Variants in ITGB6 observed in about 807,000 individuals in gnomAD.
ITGB6 encodes integrin beta-6.
In ITGB6, 80 loss-of-function variants were observed where a neutral mutation model predicts 84.5. The observed-to-expected ratio is 0.95, with a 90% CI of 0.79 to 1.14. The LOEUF (loss-of-function observed/expected upper bound fraction) is 1.14. ITGB6 is among the 50% of genes most tolerant of loss of function. The pLI is 0.00. For synonymous variants in ITGB6, 383 were observed against 354.9 expected (o/e 1.08, Z -0.89); for missense variants, 1,006 against 968.0 (o/e 1.04, Z -0.52).
At chr2:160,118,021 A>G (rs1682862170) in intron 12 of ITGB6, among the ~76,000 whole-genome samples, 1 of 152,226 alleles carries the variant, frequency 6.6e-6, no homozygotes. Context: ...GGCAATAATC[A>G]ATAGCTTACC....
rs746022026 is a variant in ITGB6, at chr2:160,200,065, C to T, written c.-2G>A. The T allele has an allele frequency of 5.1e-5, 83 of 1,613,498 alleles. No individual in the cohort carries two copies. The highest frequency in any genetic ancestry group is 5.6e-5 in the Non-Finnish European group (66 of 1,179,610). Reference sequence around the variant, plus strand: ...CAGGCAAAGCAGTTCAATCCCCATTCGTTTCAGTTCTTGCTGTGCAGACCG... The same window carrying T: ...CAGGCAAAGCAGTTCAATCCCCATTTGTTTCAGTTCTTGCTGTGCAGACCG... On this transcript the variant is annotated 5_prime_UTR_variant, in exon 1 of 15. Transcript: ENST00000283249.
At chr2:160,148,450 CTT>C (rs1684280003) in intron 7 of ITGB6, among the ~76,000 whole-genome samples, 2 of 152,218 alleles carry the variant, frequency 1.3e-5, no homozygotes, top group Non-Finnish European at 2.9e-5. Flanking sequence ...TGATCAAACT[CTT>C]TGGAATTTAC....
At chr2:160,136,992 G>A (rs924230941) in intron 10 of ITGB6, among the ~76,000 whole-genome samples, 17 of 150,618 alleles carry the variant, frequency 1.1e-4, no homozygotes, top group African/African-American at 2.2e-4. Flanking sequence ...CATGGCACAT[G>A]TATATATACG....
chr2:160,182,876 C>T (rs191021610), intron 4 of ITGB6, among the ~76,000 whole-genome samples: 1 of 152,300 alleles, frequency 6.6e-6, no homozygotes, highest in East Asian at 1.9e-4. Context: ...CCCAGAATTT[C>T]ATATCTCGCC....
Position 160,112,095 on chromosome 2 carries a change from T to C in ITGB6, c.2086A>G (p.Ser696Gly). The stretch of plus-strand genomic sequence containing the variant: ...AAACACCCACCTTTTTCATTGATGC[T>C]GTGAATGATGGTTTTCCCCTCATTA... Reference protein sequence around the residue: ...TDNEGKTIIHSINEKDCPKPP... With the variant: ...TDNEGKTIIHGINEKDCPKPP... Residue 696 changes from serine (S) to glycine (G), a missense_variant, in exon 13 of 15, where the codon AGC becomes GGC. Coordinates refer to ENST00000283249, the MANE Select transcript of ITGB6 (RefSeq NM_000888.5). 3 of 1,613,228 alleles carry C rather than the reference T, an allele frequency of 1.9e-6. No homozygotes were observed. The highest frequency in any genetic ancestry group is 1.7e-6 in the Non-Finnish European group (2 of 1,179,694).
chr2:160,164,257 C>T (rs373157787), intron 7 of ITGB6, among the ~76,000 whole-genome samples: 5 of 152,202 alleles, frequency 3.3e-5, no homozygotes, highest in Admixed American at 3.3e-4. Context: ...GCATAGTTCA[C>T]AGGAGGTACT....
intron 10 of ITGB6, among the ~76,000 whole-genome samples, chr2:160,134,411 T>G (rs1219602427): frequency 1.3e-5 from 2 of 152,084 alleles, no homozygotes; most frequent in Non-Finnish European, 2.9e-5. Flanking sequence ...AGGCAATAAT[T>G]AATAGCTTAC....
At chr2:160,190,784 A>G (rs1686112473) in intron 4 of ITGB6, among the ~76,000 whole-genome samples, 1 of 152,198 alleles carries the variant, frequency 6.6e-6, no homozygotes, top group African/African-American at 2.4e-5. Flanking sequence ...CTGGGATACT[A>G]GTTTAGCTGA....
chr2:160,171,977 T>C (rs1034561023), intron 6 of ITGB6, among the ~76,000 whole-genome samples: 1 of 152,198 alleles, frequency 6.6e-6, no homozygotes, highest in Non-Finnish European at 1.5e-5. Context: ...TCATGGTCTG[T>C]TCAGGAAAAG....
intron 4 of ITGB6, among the ~76,000 whole-genome samples, chr2:160,177,077 A>G (rs1685446047): frequency 6.6e-6 from 1 of 152,166 alleles, no homozygotes; most frequent in Non-Finnish European, 1.5e-5. Flanking sequence ...GTATTAGTGT[A>G]TGGCATGGCA....
Position 160,171,329 on chromosome 2 carries a change from A to T in ITGB6, c.921+1240T>A, listed in dbSNP as rs1334142013. ...GACTGCTGCTTCAGAAATCAAATTT[A>T]TTTTTTTATTTTTTTTTTTTTTGGA... On this transcript the variant is annotated intron_variant, in intron 6 of 14. Transcript: ENST00000283249. Among the ~76,000 whole-genome samples, 550 of 123,742 alleles carry T rather than the reference A, an allele frequency of 4.4e-3. 42 individuals are homozygous for T. The highest frequency in any genetic ancestry group is 5.5e-3 in the Non-Finnish European group (322 of 58,322). 81.2% of individuals were successfully genotyped at this position (123,742 alleles called of 152,430 possible).
chr2:160,120,052 C>A (rs35528471), intron 12 of ITGB6, among the ~76,000 whole-genome samples: 98,245 of 148,460 alleles, frequency 0.66, 32,798 homozygotes, highest in Admixed American at 0.73. Context: ...AATAGGAACA[C>A]TTTTACACTG....
intron 4 of ITGB6, among the ~76,000 whole-genome samples, 154 bp from the exon 5 acceptor site, chr2:160,174,293 G>C (rs191359719): frequency 2.8e-4 from 42 of 152,300 alleles, no homozygotes; most frequent in African/African-American, 9.9e-4. Context: ...TGTTAAGGTT[G>C]TTGACATCAT....
intron 10 of ITGB6, among the ~76,000 whole-genome samples, chr2:160,126,889 G>A (rs1316717997): frequency 1.3e-5 from 2 of 152,100 alleles, no homozygotes; most frequent in South Asian, 2.1e-4. Flanking sequence ...CCAACTGAAT[G>A]GACCCCTCCT....
intron 7 of ITGB6, among the ~76,000 whole-genome samples, chr2:160,165,547 A>C (rs1684971701): frequency 6.6e-6 from 1 of 152,226 alleles, no homozygotes; most frequent in African/African-American, 2.4e-5. Flanking sequence ...GAAAAGCTCA[A>C]AAGAACCAAA....
At chr2:160,118,915 A>G (rs1200727462) in intron 12 of ITGB6, among the ~76,000 whole-genome samples, 2 of 152,220 alleles carry the variant, frequency 1.3e-5, no homozygotes, top group East Asian at 1.9e-4. Flanking sequence ...CCCATTCACA[A>G]TTGCTTCAAA....
rs562598618 is a variant in ITGB6, at chr2:160,119,930, G to T, written c.1981+3861C>A. Reference sequence around the variant, plus strand: ...CACATGAAAAAATGCTCATCATCACGGGCCATCAGAGAAATGCAAATCAAA... The same window carrying T: ...CACATGAAAAAATGCTCATCATCACTGGCCATCAGAGAAATGCAAATCAAA... On this transcript the variant is annotated intron_variant, in intron 12 of 14. Coordinates refer to ENST00000283249, the MANE Select transcript of ITGB6 (RefSeq NM_000888.5). 2.8e-3 allele frequency among the ~76,000 whole-genome samples: 433 copies of T among 152,052 alleles called. 2 individuals carry two copies. The highest frequency in any genetic ancestry group is 4.0e-3 in the Non-Finnish European group (275 of 67,958).
intron 12 of ITGB6, among the ~76,000 whole-genome samples, chr2:160,119,086 C>T (rs928995000): frequency 3.9e-5 from 6 of 152,162 alleles, no homozygotes; most frequent in African/African-American, 1.4e-4. Context: ...AATGGCCATA[C>T]TGTCCAAGGT....
At chr2:160,113,816 T>C (rs949947282) in intron 12 of ITGB6, among the ~76,000 whole-genome samples, 13 of 152,366 alleles carry the variant, frequency 8.5e-5, no homozygotes, top group Admixed American at 3.9e-4. Context: ...ATATAATTCA[T>C]ACGTTGGCCA....
Sources: allele counts gnomAD v4.1 joint callset (sites outside exome capture counted in the v4.1 genomes callset), GRCh38; gene constraint gnomAD v4.1.1; transcripts MANE v1.5; gene names NCBI Gene and HGNC (gene_info 2026-07-23, HGNC 2026-07-21).